The following BZW2 variants were observed in gnomAD, a reference collection of about 807,000 sequenced individuals.
BZW2 encodes the protein eIF5-mimic protein 1.
A neutral mutation model predicts 53.2 loss-of-function variants in BZW2; 23 were observed. The ratio of observed to expected loss-of-function variants is 0.43; its 90% CI spans 0.31 to 0.61. The LOEUF (loss-of-function observed/expected upper bound fraction) is 0.61. Ranked by LOEUF, BZW2 falls within the 20% of genes least tolerant of loss-of-function variation. The pLI, the probability that BZW2 is intolerant of heterozygous loss-of-function variation, is 0.09. For synonymous variants in BZW2, 227 were observed against 186.4 expected (o/e 1.22, Z -1.77); for missense variants, 409 against 503.1 (o/e 0.81, Z 1.79).
At chr7:16,668,687 C>T (rs61100071) in intron 2 of BZW2, among the ~76,000 whole-genome samples, 1,668 of 152,260 alleles carry the variant, frequency 0.011, 29 homozygotes, top group African/African-American at 0.039. Flanking sequence ...GAAGATAGGT[C>T]TTCACTTTGA....
At chr7:16,677,206 A>G (rs1386706184) in intron 3 of BZW2, among the ~76,000 whole-genome samples, 2 of 152,166 alleles carry the variant, frequency 1.3e-5, no homozygotes, top group African/African-American at 4.8e-5. Flanking sequence ...CTCAGGCAAT[A>G]GATGATTGGC....
At chr7:16,704,239 A>G (rs1302285056) in intron 10 of BZW2, among the ~76,000 whole-genome samples, 2 of 152,230 alleles carry the variant, frequency 1.3e-5, no homozygotes, top group Non-Finnish European at 2.9e-5. Context: ...CAAAATTACA[A>G]AACAATTCTA....
intron 2 of BZW2, among the ~76,000 whole-genome samples, chr7:16,672,268 C>T (rs117082776): frequency 0.017 from 2,632 of 152,170 alleles, 32 homozygotes; most frequent in Middle Eastern, 0.051. Flanking sequence ...CCTTTGTTTT[C>T]TCATTCTGTC....
At chr7:16,699,819 T>C (rs1783614517) in intron 10 of BZW2, among the ~76,000 whole-genome samples, 1 of 152,184 alleles carries the variant, frequency 6.6e-6, no homozygotes, top group East Asian at 1.9e-4. Flanking sequence ...AGACTTCTTA[T>C]AACAACTACT....
chr7:16,647,318 A>C (rs956744797), intron 1 of BZW2, among the ~76,000 whole-genome samples: 1 of 152,172 alleles, frequency 6.6e-6, no homozygotes, highest in Non-Finnish European at 1.5e-5. Context: ...TATTTGAGTA[A>C]TTATGTAGGT....
At chr7:16,689,148 C>T (rs956121149) in intron 6 of BZW2, among the ~76,000 whole-genome samples, 1 of 152,120 alleles carries the variant, frequency 6.6e-6, no homozygotes, top group Non-Finnish European at 1.5e-5. Flanking sequence ...ATCACTTGAA[C>T]CCAGGAGGTG....
intron 1 of BZW2, among the ~76,000 whole-genome samples, chr7:16,659,653 T>C (rs1441484214): frequency 6.6e-6 from 1 of 152,088 alleles, no homozygotes. Flanking sequence ...ATTTTAATAG[T>C]AGATAATTTT....
intron 5 of BZW2, among the ~76,000 whole-genome samples, chr7:16,684,707 T>G (rs1472857238): frequency 6.6e-6 from 1 of 152,198 alleles, no homozygotes; most frequent in Admixed American, 6.5e-5. Context: ...CCTTGGAACT[T>G]AAGCCTTTCA....
intron 2 of BZW2, among the ~76,000 whole-genome samples, chr7:16,666,961 T>G (rs970114078): frequency 3.3e-5 from 5 of 152,136 alleles, no homozygotes; most frequent in African/African-American, 1.2e-4. Flanking sequence ...TTTGCATAAT[T>G]ATATAGAGGT....
intron 3 of BZW2, among the ~76,000 whole-genome samples, chr7:16,676,827 A>G (rs1583723783): frequency 6.6e-6 from 1 of 152,264 alleles, no homozygotes; most frequent in Non-Finnish European, 1.5e-5. Flanking sequence ...AGTGACCTCT[A>G]GGCAGCACTG....
rs547073803 is a variant in BZW2 at position 16,652,197 on chromosome 7, C to A, written c.-8+5909C>A. Reference sequence around the variant, plus strand: ...AAGGTTAGCTTAGGGACTGGGCTTACATCCATGGTTTTCAAAGTATTCCAT... The same window carrying A: ...AAGGTTAGCTTAGGGACTGGGCTTAAATCCATGGTTTTCAAAGTATTCCAT... On this transcript the variant is annotated intron_variant, in intron 1 of 11. Transcript: ENST00000258761. Among the ~76,000 whole-genome samples, 3 of 152,302 alleles carry A rather than the reference C, an allele frequency of 2.0e-5. No individual in the cohort carries two copies. In the South Asian group the frequency reaches 6.2e-4, roughly 32 times the overall value.
At chr7:16,666,533 G>C (rs968941183) in intron 2 of BZW2, among the ~76,000 whole-genome samples, 3 of 152,112 alleles carry the variant, frequency 2.0e-5, no homozygotes, top group African/African-American at 7.2e-5. Flanking sequence ...CTCCCAAGTA[G>C]CTGGGATTAC....
At chr7:16,677,153 A>G (rs1167576) in intron 3 of BZW2, among the ~76,000 whole-genome samples, 33,192 of 151,582 alleles carry the variant, frequency 0.22, 3,770 homozygotes, top group East Asian at 0.38. Flanking sequence ...GCTGGCTTGA[A>G]TGCCTGGGTT....
intron 5 of BZW2, among the ~76,000 whole-genome samples, chr7:16,683,230 A>G (rs909046421): frequency 6.6e-6 from 1 of 152,216 alleles, no homozygotes; most frequent in Non-Finnish European, 1.5e-5. Flanking sequence ...TACATGTACA[A>G]TGATATTGCA....
chr7:16,656,520 C>T (rs1445807960), intron 1 of BZW2, among the ~76,000 whole-genome samples: 1 of 150,574 alleles, frequency 6.6e-6, no homozygotes, highest in Non-Finnish European at 1.5e-5. Context: ...ATGTAAGTAT[C>T]CTGTTGATCA....
At chr7:16,686,172 A>G in intron 6 of BZW2, 132 bp downstream of exon 6, 1 of 1,354,352 alleles carries the variant, frequency 7.4e-7, no homozygotes. Flanking sequence ...ATATCTTTGT[A>G]TGGGTGTATA....
At chr7:16,660,187 A>C (rs574948482) in intron 1 of BZW2, among the ~76,000 whole-genome samples, 1 of 151,574 alleles carries the variant, frequency 6.6e-6, no homozygotes, top group East Asian at 1.9e-4. Context: ...TTGTTGCCCT[A>C]TAATTTTTAG....
intron 3 of BZW2, among the ~76,000 whole-genome samples, chr7:16,678,087 CTTTTTTTTTTT>C (rs71007780): frequency 3.0e-5 from 2 of 66,912 alleles, no homozygotes; most frequent in African/African-American, 5.5e-5. Context: ...TTCCATTGTT[CTTTTTTTTTTT>C]TTTTTTTTTT....
chr7:16,685,784 T>C, intron 5 of BZW2, 121 bp from the exon 6 acceptor site: 2 of 1,240,196 alleles, frequency 1.6e-6, no homozygotes, highest in East Asian at 2.6e-5. Context: ...CTTCTGTTTG[T>C]GTGCCACGTA....
Sources: allele counts gnomAD v4.1 joint callset (sites outside exome capture counted in the v4.1 genomes callset), GRCh38; gene constraint gnomAD v4.1.1; transcripts MANE v1.5; gene names NCBI Gene and HGNC (gene_info 2026-07-23, HGNC 2026-07-21).